The following AHCY variants were observed in gnomAD, a reference collection of about 807,000 sequenced individuals.
AHCY encodes S-adenosyl-L-homocysteine hydrolase.
A neutral mutation model predicts 45.4 loss-of-function variants in AHCY; 24 were observed. The ratio of observed to expected loss-of-function variants is 0.53; its 90% CI spans 0.38 to 0.74. AHCY has a LOEUF of 0.74. AHCY is among the 30% of genes least tolerant of loss of function. The probability of loss-of-function intolerance (pLI) is 0.00; values close to 1 mark genes in which losing one functional copy is unlikely to be tolerated. For missense variants in AHCY, 449 were observed against 594.1 expected, an observed-to-expected ratio of 0.76 and a Z score of 2.54; for synonymous variants, 245 against 235.1, an observed-to-expected ratio of 1.04 and a Z score of -0.39.
intron 1 of AHCY, among the ~76,000 whole-genome samples, chr20:34,300,773 T>C (rs1419746904): frequency 6.6e-6 from 1 of 152,206 alleles, no homozygotes; most frequent in Non-Finnish European, 1.5e-5. Flanking sequence ...AAAGACCCCA[T>C]TGGCTGCTGT....
rs553685648 is a variant in AHCY, at chr20:34,285,732, G to A, written c.973-98C>T. On this transcript the variant is annotated intron_variant, in intron 8 of 9. Transcript: ENST00000217426. Reference sequence around the variant, plus strand: ...CCTCTCTGCCTCCAACAGTGCCCATGAGGAGTCCGAACTGCTCCAAAACAA... The same window carrying A: ...CCTCTCTGCCTCCAACAGTGCCCATAAGGAGTCCGAACTGCTCCAAAACAA... 3 of 1,372,298 alleles carry A rather than the reference G, an allele frequency of 2.2e-6. No individual in the cohort carries two copies. The East Asian group carries it at 7.2e-5, about 33-fold the overall frequency. 85.0% of individuals were successfully genotyped at this position (1,372,298 alleles called of 1,614,324 possible).
chr20:34,269,017 G>A, the AHCY span: 1 of 1,608,114 alleles, frequency 6.2e-7, no homozygotes, highest in Non-Finnish European at 8.5e-7. Flanking sequence ...AGAAAGTGGT[G>A]CGGCCCCGGA....
Position 34,285,425 on chromosome 20 carries a change from G to A in AHCY, c.1167+15C>T, listed in dbSNP as rs1229673205. On this transcript the variant is annotated intron_variant, in intron 9 of 9. Transcript: ENST00000217426. ...GACACGTGACCCTTGGCTTGAGGTA[G>A]AAGAATAAACCCACCTTCTTGGGCA... 6.2e-7 allele frequency: 1 copy of A among 1,613,446 alleles called. No individual in the cohort carries two copies. Among genetic ancestry groups the A allele is most frequent in the Non-Finnish European group, 8.5e-7 (1 of 1,179,660 alleles).
intron 1 of AHCY, 64 bp from the exon 2 acceptor site, chr20:34,295,649 C>A: frequency 1.3e-6 from 2 of 1,551,800 alleles, no homozygotes; most frequent in South Asian, 2.3e-5. Context: ...GAGGGGCGGT[C>A]ACTGCATGGA....
At chr20:34,292,721 G>C (rs773122423) in intron 3 of AHCY, among the ~76,000 whole-genome samples, 19 of 152,198 alleles carry the variant, frequency 1.2e-4, no homozygotes, top group Non-Finnish European at 1.6e-4. Context: ...GTGTGACCTT[G>C]GGCAAATCAC....
At chr20:34,257,304 C>T in the AHCY span, among the ~76,000 whole-genome samples, 1 of 151,856 alleles carries the variant, frequency 6.6e-6, no homozygotes, top group Admixed American at 6.6e-5. Context: ...TTGGCCAGGT[C>T]GAACTCCTGA....
chr20:34,285,544 T>C lies in AHCY; in HGVS notation c.1063A>G (p.Ser355Gly), dbSNP rs1385328700. 1 of 1,614,174 alleles carries C rather than the reference T, an allele frequency of 6.2e-7. No individual in the cohort carries two copies. The highest frequency in any genetic ancestry group is 8.5e-7 in the Non-Finnish European group (1 of 1,180,010). ...GTGAAGGAGTTACTCATCACGAAGC[T>C]GGGGTGGCCCATGGCACAACCCAGG... ...VNLGCAMGHP[S>G]FVMSNSFTNQ... The change falls in exon 9 of 10, where the codon AGC (serine) becomes GGC (glycine). Residue 355 changes from serine (S) to glycine (G), a missense_variant. Physicochemically the swap from Ser to Gly is moderately conservative, Grantham distance 56 (BLOSUM62 0). Coordinates refer to ENST00000217426, the MANE Select transcript of AHCY (RefSeq NM_000687.4).
At chr20:34,307,939 T>G (rs2036912729), upstream of AHCY, among the ~76,000 whole-genome samples, 1 of 151,900 alleles carries the variant, frequency 6.6e-6, no homozygotes, top group Non-Finnish European at 1.5e-5. Context: ...TTTCTAAACC[T>G]CTCCCTTTTC....
chr20:34,260,438 A>G, the AHCY span: 1 of 1,614,002 alleles, frequency 6.2e-7, no homozygotes, highest in African/African-American at 1.3e-5. Context: ...CACTGCCAAC[A>G]GCCACCTGCC....
chr20:34,278,764 C>T (rs1269879365), downstream of AHCY, among the ~76,000 whole-genome samples: 2 of 152,132 alleles, frequency 1.3e-5, no homozygotes, highest in Non-Finnish European at 2.9e-5. Context: ...TACCTTTTTA[C>T]ATATGATGTA....
the AHCY span, among the ~76,000 whole-genome samples, chr20:34,236,552 A>C: frequency 1.3e-5 from 2 of 151,920 alleles, no homozygotes; most frequent in Non-Finnish European, 2.9e-5. Flanking sequence ...TCTCAAAAAA[A>C]AAAAGAATCA....
chr20:34,288,776 C>T (rs975187710), intron 8 of AHCY, among the ~76,000 whole-genome samples: 2 of 152,182 alleles, frequency 1.3e-5, no homozygotes, highest in African/African-American at 4.8e-5. Flanking sequence ...AACTTTAAAG[C>T]TCTTGATATC....
the AHCY span, among the ~76,000 whole-genome samples, chr20:34,247,944 G>A: frequency 6.6e-6 from 1 of 152,182 alleles, no homozygotes; most frequent in African/African-American, 2.4e-5. Context: ...AGTGGCACAT[G>A]CGTGTAATCC....
the AHCY span, among the ~76,000 whole-genome samples, chr20:34,232,118 A>G: frequency 6.6e-6 from 1 of 152,264 alleles, no homozygotes; most frequent in Non-Finnish European, 1.5e-5. Flanking sequence ...TAAATGTGTT[A>G]CATGACAATA....
chr20:34,260,330 C>T, the AHCY span: 2 of 1,591,654 alleles, frequency 1.3e-6, no homozygotes, highest in Non-Finnish European at 1.7e-6. Flanking sequence ...TTACCCCTGA[C>T]CCACCCACCT....
At chr20:34,300,955 C>A (rs2036749844) in intron 1 of AHCY, among the ~76,000 whole-genome samples, 1 of 152,184 alleles carries the variant, frequency 6.6e-6, no homozygotes, top group African/African-American at 2.4e-5. Context: ...CTTTGTGTCT[C>A]CAGCATGACC....
chr20:34,303,046 CCA>C lies in AHCY; in HGVS notation c.28+195_28+196del, dbSNP rs994286142. The C allele has an allele frequency of 6.1e-6, 6 of 985,350 alleles. No homozygotes were observed. In the African/African-American group the frequency reaches 1.0e-4, roughly 17 times the overall value. 61.0% of individuals were successfully genotyped at this position (985,350 alleles called of 1,614,324 possible). Reference sequence around the variant, plus strand: ...CGCGGGGCATGCTGGGACTTGTAGTCCACGGCCACCCGGAACGGCCCGCTCAT... The same window carrying C: ...CGCGGGGCATGCTGGGACTTGTAGTCCGGCCACCCGGAACGGCCCGCTCAT... On this transcript the variant is annotated intron_variant, in intron 1 of 9. Coordinates refer to ENST00000217426, the MANE Select transcript of AHCY (RefSeq NM_000687.4).
the AHCY span, among the ~76,000 whole-genome samples, chr20:34,235,805 GAAAGA>G: frequency 1.9e-5 from 1 of 54,036 alleles, no homozygotes; most frequent in African/African-American, 2.1e-4. Flanking sequence ...AAGAAAGAAA[GAAAGA>G]AAGAAAGAAA....
chr20:34,284,308 C>T (rs369701567), intron 9 of AHCY, among the ~76,000 whole-genome samples: 15 of 152,092 alleles, frequency 9.9e-5, no homozygotes, highest in Admixed American at 3.9e-4. Context: ...TACAGGCATG[C>T]GCCACCATGC....
Sources: gnomAD v4.1 joint callset for allele counts (sites outside exome capture counted in the v4.1 genomes callset) on GRCh38, gnomAD v4.1.1 for gene constraint, MANE v1.5 for transcripts, NCBI Gene and HGNC (gene_info 2026-07-23, HGNC 2026-07-21) for gene names.